PAN3: variants seen among roughly 807,000 people sequenced by gnomAD.
PAN3 encodes the protein poly(A) specific ribonuclease subunit PAN3.
PAN3 carries 19 observed loss-of-function variants against 96.2 expected under a neutral mutation model. The observed-to-expected ratio is 0.20, with a 90% CI of 0.14 to 0.29. PAN3 has a LOEUF of 0.29. PAN3 is among the 10% of genes least tolerant of loss of function. The pLI is 1.00. For synonymous variants in PAN3, 433 were observed against 406.6 expected (o/e 1.06, Z -0.78); for missense variants, 882 against 1,108.1 (o/e 0.80, Z 2.90).
Position 28,286,691 on chromosome 13 carries a change from C to T in PAN3, c.2385-1293C>T, listed in dbSNP as rs540121783. 2.0e-5 allele frequency among the ~76,000 whole-genome samples: 3 copies of T among 152,266 alleles called. 1 individual carries two copies. The South Asian group carries it at 6.2e-4, about 32-fold the overall frequency. On this transcript the variant is annotated intron_variant, in intron 17 of 18. Coordinates refer to ENST00000380958, the MANE Select transcript of PAN3 (RefSeq NM_175854.8). ...TCACTATTGTTGCTTTTTCTGATCCCTTTGTCCTTGTGTTTATACCCTTTT... is the reference window on the plus strand; with the variant it reads ...TCACTATTGTTGCTTTTTCTGATCCTTTTGTCCTTGTGTTTATACCCTTTT...
intron 4 of PAN3, among the ~76,000 whole-genome samples, chr13:28,189,896 C>T (rs1877018100): frequency 6.6e-6 from 1 of 152,092 alleles, no homozygotes; most frequent in Middle Eastern, 3.2e-3. Flanking sequence ...ATTTTCAAAC[C>T]TTTTCTTCTT....
At chr13:28,200,003 G>A (rs1878510331) in intron 5 of PAN3, among the ~76,000 whole-genome samples, 1 of 152,166 alleles carries the variant, frequency 6.6e-6, no homozygotes, top group African/African-American at 2.4e-5. Context: ...ATTGCTAATA[G>A]CTTATGGGAT....
chr13:28,276,518 T>G (rs1887071575), intron 14 of PAN3, among the ~76,000 whole-genome samples: 1 of 152,170 alleles, frequency 6.6e-6, no homozygotes, highest in Admixed American at 6.5e-5. Flanking sequence ...GAAAATCCTT[T>G]TAGAAGGAAA....
intron 6 of PAN3, among the ~76,000 whole-genome samples, chr13:28,248,605 A>G (rs1387135793): frequency 6.6e-6 from 1 of 151,802 alleles, no homozygotes; most frequent in Non-Finnish European, 1.5e-5. Flanking sequence ...GCTCACTGCA[A>G]CCTCCGCCTC....
intron 18 of PAN3, among the ~76,000 whole-genome samples, chr13:28,288,492 A>T: frequency 1.3e-5 from 2 of 152,230 alleles, no homozygotes; most frequent in Middle Eastern, 6.8e-3. Context: ...AGGTTTCACC[A>T]TGTTGGCCAG....
intron 1 of PAN3, among the ~76,000 whole-genome samples, chr13:28,147,621 G>C (rs1870842782): frequency 6.6e-6 from 1 of 152,144 alleles, no homozygotes; most frequent in Admixed American, 6.5e-5. Context: ...GGGAGCTGTA[G>C]CCTGCTGCCA....
intron 6 of PAN3, among the ~76,000 whole-genome samples, chr13:28,239,163 A>ACACACT (rs1883387001): frequency 1.2e-3 from 1 of 836 alleles, no homozygotes; most frequent in Non-Finnish European, 3.2e-3. Flanking sequence ...ACCCCCGCCA[A>ACACACT]CACACACACA....
intron 5 of PAN3, among the ~76,000 whole-genome samples, chr13:28,207,513 T>C (rs1484115783): frequency 6.6e-6 from 1 of 152,206 alleles, no homozygotes; most frequent in Non-Finnish European, 1.5e-5. Context: ...CTATTTGTGG[T>C]ACCATGTAGC....
In PAN3 at chr13:28,277,335, G is replaced by A; in HGVS notation, c.2148G>A (p.Leu716=). The change falls in exon 15 of 19, where the codon CTG becomes CTA. Residue 716 remains leucine, a synonymous_variant. Coordinates refer to ENST00000380958, the MANE Select transcript of PAN3 (RefSeq NM_175854.8). ...AGAATTTACAGAAAGCCATGGAACTGGTGACAATCAACTATTCCTCTGACC... is the reference window on the plus strand; with the variant it reads ...AGAATTTACAGAAAGCCATGGAACTAGTGACAATCAACTATTCCTCTGACC... The part of the protein sequence containing the change: ...QRENLQKAME[L]VTINYSSDLK... 6.2e-7 allele frequency: 1 copy of A among 1,613,326 alleles called. No individual in the cohort carries two copies. The highest frequency in any genetic ancestry group is 8.5e-7 in the Non-Finnish European group (1 of 1,179,652).
chr13:28,174,319 T>G lies in PAN3; in HGVS notation c.478T>G (p.Ser160Ala), dbSNP rs1304218931. The change falls in exon 2 of 19, where the codon TCC (serine) becomes GCC (alanine). Residue 160 changes from serine (S) to alanine (A), a missense_variant. Transcript: ENST00000380958. ...TTTAACTGATACAAGTCTCACAGAT[T>G]CCTATTTTAGCACCAGCTTTATTGG... is the stretch of plus-strand genomic sequence containing the variant. Reference protein sequence around the residue: ...GALTDTSLTDSYFSTSFIGVN... With the variant: ...GALTDTSLTDAYFSTSFIGVN... 1 of 1,612,760 alleles carries G rather than the reference T, an allele frequency of 6.2e-7. No homozygotes were observed. The highest frequency in any genetic ancestry group is 8.5e-7 in the Non-Finnish European group (1 of 1,178,912).
intron 4 of PAN3, among the ~76,000 whole-genome samples, chr13:28,194,466 A>ATATATATATTT (rs1429166016): frequency 2.5e-5 from 3 of 122,132 alleles, no homozygotes; most frequent in African/African-American, 1.1e-4. Context: ...ATATATATAT[A>ATATATATATTT]TTTTTTTTTT....
At chr13:28,188,879 A>G (rs908158959) in intron 4 of PAN3, among the ~76,000 whole-genome samples, 1 of 152,228 alleles carries the variant, frequency 6.6e-6, no homozygotes, top group East Asian at 1.9e-4. Context: ...TAGTAGCTTT[A>G]ACTACATTTT....
intron 1 of PAN3, among the ~76,000 whole-genome samples, chr13:28,141,654 A>G (rs969195810): frequency 1.4e-4 from 22 of 151,954 alleles, no homozygotes; most frequent in Admixed American, 1.1e-3. Context: ...TTTAGTAGAC[A>G]CGGGGTTTCT....
At chr13:28,189,414 G>A (rs1876913201) in intron 4 of PAN3, among the ~76,000 whole-genome samples, 3 of 152,104 alleles carry the variant, frequency 2.0e-5, no homozygotes, top group African/African-American at 7.2e-5. Flanking sequence ...TACTTGGGTG[G>A]CTGAGCCAGG....
At position 28,174,195 on chromosome 13, in the gene PAN3, T is replaced by C. The variant is rs996958543; in HGVS notation, c.431-77T>C. On this transcript the variant is annotated intron_variant, in intron 1 of 18. Coordinates refer to ENST00000380958, the MANE Select transcript of PAN3 (RefSeq NM_175854.8). Reference sequence around the variant, plus strand: ...GACAGATTTGAGACTTTACAACTTATTTAGGAACACAGAAGTGAAATCAAT... The same window carrying C: ...GACAGATTTGAGACTTTACAACTTACTTAGGAACACAGAAGTGAAATCAAT... The C allele has an allele frequency of 3.5e-6, 5 of 1,434,030 alleles. No homozygotes were observed. The Admixed American group carries it at 6.3e-5, about 18-fold the overall frequency. The allele number at this position is 1,434,030 out of a possible 1,614,324, so 88.8% of individuals were successfully genotyped here.
intron 14 of PAN3, among the ~76,000 whole-genome samples, chr13:28,274,282 C>T (rs1886879382): frequency 6.6e-6 from 1 of 152,140 alleles, no homozygotes; most frequent in African/African-American, 2.4e-5. Context: ...CTCTCTTATA[C>T]TTAGTGCCTA....
chr13:28,196,890 A>G (rs2096436647), intron 4 of PAN3, among the ~76,000 whole-genome samples: 2 of 152,194 alleles, frequency 1.3e-5, no homozygotes, highest in African/African-American at 4.8e-5. Flanking sequence ...CTGATAAGTT[A>G]AATTTCTATT....
chr13:28,195,721 A>C (rs1006242705), intron 4 of PAN3, among the ~76,000 whole-genome samples: 1 of 151,776 alleles, frequency 6.6e-6, no homozygotes, highest in Non-Finnish European at 1.5e-5. Flanking sequence ...CTTTTGGTAG[A>C]GATGGGCTTT....
chr13:28,213,481 A>T (rs575535193), intron 5 of PAN3, among the ~76,000 whole-genome samples: 2 of 152,310 alleles, frequency 1.3e-5, no homozygotes, highest in South Asian at 4.1e-4. Context: ...ACTTGGAAAA[A>T]ATATCCTGCA....
Sources: gnomAD v4.1 joint callset for allele counts (sites outside exome capture counted in the v4.1 genomes callset) on GRCh38, gnomAD v4.1.1 for gene constraint, MANE v1.5 for transcripts, NCBI Gene and HGNC (gene_info 2026-07-23, HGNC 2026-07-21) for gene names.